C12orf56: variants seen among roughly 807,000 people sequenced by gnomAD.
The protein encoded by C12orf56 is uncharacterized protein C12orf56.
In C12orf56, 71 loss-of-function variants were observed where a neutral mutation model predicts 69.9. The observed-to-expected ratio is 1.02, with a 90% CI of 0.84 to 1.24. C12orf56 has a LOEUF of 1.24. C12orf56 is among the 50% of genes most tolerant of loss of function. The probability of loss-of-function intolerance (pLI) is 0.00; values close to 1 mark genes in which losing one functional copy is unlikely to be tolerated. For missense variants in C12orf56, 732 were observed against 738.5 expected (o/e 0.99, Z 0.10); for synonymous variants, 276 against 274.1 (o/e 1.01, Z -0.07).
Position 64,270,581 on chromosome 12 carries a change from C to G in C12orf56, c.1718G>C (p.Arg573Thr). ...YILKSCLRHS[R>T]TLAEYIRNNY... Reference sequence around the variant, plus strand: ...ATTCCTAATATACTCAGCTAGAGTCCTGCTGTGCCGCAGACAGCTCTTGAG... The same window carrying G: ...ATTCCTAATATACTCAGCTAGAGTCGTGCTGTGCCGCAGACAGCTCTTGAG... Residue 573 changes from arginine to threonine, a missense_variant, in exon 12 of 13, where the codon AGG (arginine) becomes ACG (threonine). Coordinates refer to ENST00000543942, the MANE Select transcript of C12orf56 (RefSeq NM_001170633.2). The G allele has an allele frequency of 6.2e-7, 1 of 1,612,332 alleles. No individual in the cohort carries two copies. The highest frequency in any genetic ancestry group is 1.1e-5 in the South Asian group (1 of 90,760).
chr12:64,365,381 G>A (rs1042503988), intron 1 of C12orf56, among the ~76,000 whole-genome samples: 1 of 151,664 alleles, frequency 6.6e-6, no homozygotes, highest in Admixed American at 6.6e-5. Context: ...TGGCCAGGCT[G>A]CTCTCCAACT....
rs571761131 is a variant in C12orf56, at chr12:64,370,597, G to A, written c.253-17541C>T. On this transcript the variant is annotated intron_variant, in intron 1 of 12. Transcript: ENST00000543942. ...GCCCAGGAGGCAGAGGTTGCAGTGA[G>A]CTGAAATTGTGCCACTGCATTCCAG... Among the ~76,000 whole-genome samples, 4 of 152,184 alleles carry A rather than the reference G, an allele frequency of 2.6e-5. No homozygotes were observed. The East Asian group carries it at 7.7e-4, about 29-fold the overall frequency.
In C12orf56 at chr12:64,312,834, T is replaced by G. The variant is rs959522315; in HGVS notation, c.895-82A>C. On this transcript the variant is annotated intron_variant, in intron 4 of 12. Transcript: ENST00000543942. ...CCCTACCTTTAGTCAATGTTATGTATCTATTCTTTAAGCCCTCCTATAGTA... is the reference window on the plus strand; with the variant it reads ...CCCTACCTTTAGTCAATGTTATGTAGCTATTCTTTAAGCCCTCCTATAGTA... 1.1e-5 allele frequency: 11 copies of G among 1,028,716 alleles called. No homozygotes were observed. The African/African-American group carries it at 1.8e-4, about 16-fold the overall frequency. 63.7% of individuals were successfully genotyped at this position (1,028,716 alleles called of 1,614,324 possible). A position where few individuals can be genotyped will look rare whatever the true frequency, so the allele number is the denominator to read the frequency against.
At chr12:64,309,586 C>T (rs1182928812) in intron 5 of C12orf56, among the ~76,000 whole-genome samples, 2 of 152,200 alleles carry the variant, frequency 1.3e-5, no homozygotes, top group Admixed American at 6.5e-5. Context: ...TCTCAGCTCA[C>T]TGCAGCCTCT....
intron 1 of C12orf56, among the ~76,000 whole-genome samples, chr12:64,377,786 C>T (rs1331823869): frequency 6.6e-6 from 1 of 152,108 alleles, no homozygotes; most frequent in African/African-American, 2.4e-5. Context: ...AAAACTGAAA[C>T]ATACAAAATG....
chr12:64,301,305 C>A (rs903258210), intron 6 of C12orf56, among the ~76,000 whole-genome samples: 1 of 151,908 alleles, frequency 6.6e-6, no homozygotes, highest in Non-Finnish European at 1.5e-5. Context: ...CTTTCCTGGG[C>A]CTTGAAGCAT....
chr12:64,318,283 G>A (rs1292591354), intron 4 of C12orf56, among the ~76,000 whole-genome samples: 1 of 151,924 alleles, frequency 6.6e-6, no homozygotes, highest in Admixed American at 6.6e-5. Flanking sequence ...GGCTGGTCTC[G>A]AATTTCTGAC....
chr12:64,353,072 A>G lies in C12orf56; in HGVS notation c.253-16T>C, dbSNP rs760870029. On this transcript the variant is annotated splice_polypyrimidine_tract_variant and intron_variant, in intron 1 of 12. Coordinates refer to ENST00000543942, the MANE Select transcript of C12orf56 (RefSeq NM_001170633.2). ...AATCATCAATCTGGAAAAAAAATTA[A>G]TTCACCTCATTGAAGACAAATACAA... 1 of 1,608,688 alleles carries G rather than the reference A, an allele frequency of 6.2e-7. No individual in the cohort carries two copies. The highest frequency in any genetic ancestry group is 1.1e-5 in the South Asian group (1 of 90,120).
chr12:64,337,509 C>A (rs545411719), intron 2 of C12orf56, among the ~76,000 whole-genome samples: 2 of 152,232 alleles, frequency 1.3e-5, no homozygotes, highest in African/African-American at 2.4e-5. Context: ...CCTGAAGGTG[C>A]TTGAGAGACA....
intron 8 of C12orf56, among the ~76,000 whole-genome samples, chr12:64,280,166 A>G (rs1208213344): frequency 6.6e-6 from 1 of 152,200 alleles, no homozygotes; most frequent in Non-Finnish European, 1.5e-5. Context: ...ATTTACCCAA[A>G]TGGAATTTAA....
intron 1 of C12orf56, among the ~76,000 whole-genome samples, chr12:64,385,806 C>T (rs2039780963): frequency 6.6e-6 from 1 of 152,182 alleles, no homozygotes; most frequent in Admixed American, 6.5e-5. Context: ...CAGTCTCCTG[C>T]ACAGCCTGCT....
intron 2 of C12orf56, among the ~76,000 whole-genome samples, chr12:64,352,668 G>A (rs987168117): frequency 6.6e-6 from 1 of 152,156 alleles, no homozygotes; most frequent in East Asian, 1.9e-4. Flanking sequence ...TCTGTGAGGT[G>A]AGAGCCAGTT....
chr12:64,298,464 G>A (rs193266549), intron 6 of C12orf56, among the ~76,000 whole-genome samples: 7 of 152,310 alleles, frequency 4.6e-5, no homozygotes, highest in African/African-American at 1.7e-4. Context: ...CCATGCCTGT[G>A]TCCTGAATGG....
At chr12:64,365,747 T>C (rs1195902847) in intron 1 of C12orf56, among the ~76,000 whole-genome samples, 2 of 143,850 alleles carry the variant, frequency 1.4e-5, no homozygotes, top group Admixed American at 7.3e-5. Flanking sequence ...TTATATAATA[T>C]ATATAATATA....
chr12:64,297,429 A>G (rs886828889), intron 6 of C12orf56, among the ~76,000 whole-genome samples: 2 of 151,934 alleles, frequency 1.3e-5, no homozygotes, highest in Admixed American at 1.3e-4. Flanking sequence ...TCTGGGGTAC[A>G]TGTGCAGAAT....
chr12:64,378,104 C>T (rs2039665218), intron 1 of C12orf56, among the ~76,000 whole-genome samples: 1 of 152,236 alleles, frequency 6.6e-6, no homozygotes, highest in South Asian at 2.1e-4. Flanking sequence ...AACTGGCATA[C>T]AGTAAGCACT....
At chr12:64,300,749 C>T (rs1335899126) in intron 6 of C12orf56, among the ~76,000 whole-genome samples, 1 of 152,196 alleles carries the variant, frequency 6.6e-6, no homozygotes, top group Non-Finnish European at 1.5e-5. Context: ...TTTCATTTTG[C>T]TCACTCTTAT....
chr12:64,343,474 C>A (rs2039100855), intron 2 of C12orf56, among the ~76,000 whole-genome samples: 2 of 152,200 alleles, frequency 1.3e-5, no homozygotes, highest in African/African-American at 4.8e-5. Flanking sequence ...GCCTAGCTAG[C>A]TGAAGACAAA....
At chr12:64,355,077 CAAAAAAAA>C (rs59799966) in intron 1 of C12orf56, among the ~76,000 whole-genome samples, 2 of 87,670 alleles carry the variant, frequency 2.3e-5, no homozygotes, top group African/African-American at 4.7e-5. Context: ...GACTCCGTCT[CAAAAAAAA>C]AAAAAAAAAA....
Sources: gnomAD v4.1 joint callset for allele counts (sites outside exome capture counted in the v4.1 genomes callset) on GRCh38, gnomAD v4.1.1 for gene constraint, MANE v1.5 for transcripts, NCBI Gene and HGNC (gene_info 2026-07-23, HGNC 2026-07-21) for gene names.